MYCT1: variants seen among roughly 807,000 people sequenced by gnomAD.
MYCT1 encodes the protein MYC target 1.
Under a neutral mutation model 15.0 loss-of-function variants are expected in MYCT1, and 12 were observed. That is an observed-to-expected ratio of 0.80 (90% CI 0.51 to 1.29). The LOEUF (loss-of-function observed/expected upper bound fraction) is 1.29, where lower values mean the gene tolerates loss of function less well. Ranked by LOEUF, MYCT1 falls within the 50% of genes most tolerant of loss-of-function variation. The pLI is 0.00. For synonymous variants in MYCT1, 104 were observed against 102.7 expected (o/e 1.01, Z -0.07); for missense variants, 287 against 279.1 (o/e 1.03, Z -0.20).
the MYCT1 span, among the ~76,000 whole-genome samples, chr6:152,744,760 C>T: frequency 0.15 from 22,110 of 152,038 alleles, 3,277 homozygotes; most frequent in African/African-American, 0.38. Flanking sequence ...AGGGTGTGGA[C>T]GATGTAGTCC....
intron 1 of MYCT1, among the ~76,000 whole-genome samples, chr6:152,700,309 A>G (rs887648594): frequency 3.9e-5 from 6 of 152,102 alleles, no homozygotes; most frequent in African/African-American, 1.4e-4. Context: ...TCTGCTTGGC[A>G]CATTGAATTT....
At chr6:152,747,114 A>G in the MYCT1 span, among the ~76,000 whole-genome samples, 1 of 151,996 alleles carries the variant, frequency 6.6e-6, no homozygotes, top group East Asian at 1.9e-4. Flanking sequence ...AAAGAATTGA[A>G]AGTGTTTATA....
the MYCT1 span, among the ~76,000 whole-genome samples, chr6:152,742,971 A>G: frequency 2.0e-5 from 3 of 152,190 alleles, no homozygotes; most frequent in Admixed American, 2.0e-4. Flanking sequence ...TGCCTTCTCT[A>G]TCTAATACTT....
intron 1 of MYCT1, among the ~76,000 whole-genome samples, chr6:152,704,097 A>G (rs1455286260): frequency 6.6e-6 from 1 of 152,052 alleles, no homozygotes; most frequent in South Asian, 2.1e-4. Context: ...CCTGGGCTCA[A>G]GTGATCATCC....
At chr6:152,708,694 T>G (rs1195501175) in intron 1 of MYCT1, among the ~76,000 whole-genome samples, 1 of 151,826 alleles carries the variant, frequency 6.6e-6, no homozygotes, top group Non-Finnish European at 1.5e-5. Context: ...TGGAAAAGAG[T>G]CTTCTATATT....
chr6:152,723,231 C>T lies in MYCT1; in HGVS notation c.*978C>T, dbSNP rs2099725039. The stretch of plus-strand genomic sequence containing the variant: ...TTTCCCAAGAATAGTTATCTACTTC[C>T]TGGAGGCAAAATCCTTGGATTTACT... On this transcript the variant is annotated 3_prime_UTR_variant, in exon 2 of 2. Coordinates refer to ENST00000367245, the MANE Select transcript of MYCT1 (RefSeq NM_025107.3). 6.6e-6 allele frequency: 1 copy of T among 152,140 alleles called. No homozygotes were observed. The highest frequency in any genetic ancestry group is 6.5e-5 in the Admixed American group (1 of 15,278). The allele number at this position is 152,140 out of a possible 1,614,324, so 9.4% of individuals were successfully genotyped here.
At chr6:152,727,210 C>CAA (rs1187850671), downstream of MYCT1, among the ~76,000 whole-genome samples, 4,675 of 78,158 alleles carry the variant, frequency 0.06, 232 homozygotes, top group African/African-American at 0.14. Flanking sequence ...GACTCAGTCT[C>CAA]AAAAAAAAAA....
chr6:152,717,590 C>T (rs555211334), intron 1 of MYCT1, among the ~76,000 whole-genome samples: 26 of 152,150 alleles, frequency 1.7e-4, no homozygotes, highest in African/African-American at 6.0e-4. Flanking sequence ...AAGCTCTCTT[C>T]GTCTGCTGCC....
intron 1 of MYCT1, among the ~76,000 whole-genome samples, chr6:152,717,860 A>T (rs2099723954): frequency 6.6e-6 from 1 of 152,028 alleles, no homozygotes; most frequent in Non-Finnish European, 1.5e-5. Context: ...ATCAAAAGCA[A>T]TTTTTTTGTA....
At chr6:152,725,262 C>T (rs2099725450), downstream of MYCT1, among the ~76,000 whole-genome samples, 1 of 152,060 alleles carries the variant, frequency 6.6e-6, no homozygotes, top group Admixed American at 6.6e-5. Flanking sequence ...GATTAGCACA[C>T]ATAAATACAT....
In MYCT1 at chr6:152,722,250, C is replaced by T; in HGVS notation, c.705C>T (p.Ser235=). Residue 235 remains serine (S), a synonymous_variant, in exon 2 of 2, where the codon TCC becomes TCT. Coordinates refer to ENST00000367245, the MANE Select transcript of MYCT1 (RefSeq NM_025107.3). ...CCATCATCAAGGCATTCCCAGATTC[C>T]TGAGTAGGGTGGCTTTTGGTTTTTG... ...YESIIKAFPD[S] 1 of 1,600,958 alleles carries T rather than the reference C, an allele frequency of 6.2e-7. No homozygotes were observed. The highest frequency in any genetic ancestry group is 1.1e-5 in the South Asian group (1 of 88,568).
intron 1 of MYCT1, among the ~76,000 whole-genome samples, chr6:152,712,903 T>A (rs2099722998): frequency 6.6e-6 from 1 of 151,736 alleles, no homozygotes; most frequent in Admixed American, 6.6e-5. Context: ...TTATATATAT[T>A]CTGCTTGATG....
chr6:152,742,820 C>T, the MYCT1 span, among the ~76,000 whole-genome samples: 1 of 151,992 alleles, frequency 6.6e-6, no homozygotes, highest in African/African-American at 2.4e-5. Context: ...TGTTTATACA[C>T]ATAAGTATGA....
chr6:152,737,703 C>A, the MYCT1 span, among the ~76,000 whole-genome samples: 3 of 152,050 alleles, frequency 2.0e-5, no homozygotes, highest in South Asian at 2.1e-4. Context: ...AAAGAATAAA[C>A]CCTCTTATTT....
downstream of MYCT1, among the ~76,000 whole-genome samples, chr6:152,728,568 A>T (rs140987301): frequency 1.1e-3 from 172 of 152,220 alleles, 1 homozygote; most frequent in African/African-American, 3.9e-3. Flanking sequence ...CTTTAACAAC[A>T]CTGAAAGTGG....
intron 1 of MYCT1, among the ~76,000 whole-genome samples, chr6:152,701,632 G>C (rs550754926): frequency 1.3e-5 from 2 of 152,256 alleles, no homozygotes; most frequent in East Asian, 3.9e-4. Context: ...GGACCTTTGT[G>C]CTTGATCAAG....
intron 1 of MYCT1, among the ~76,000 whole-genome samples, chr6:152,699,759 C>T (rs2099721010): frequency 6.6e-6 from 1 of 151,836 alleles, no homozygotes; most frequent in Non-Finnish European, 1.5e-5. Context: ...AAAAACAAAT[C>T]ATTATTCACT....
downstream of MYCT1, among the ~76,000 whole-genome samples, chr6:152,725,812 G>A (rs2099725553): frequency 1.3e-5 from 2 of 152,134 alleles, no homozygotes; most frequent in South Asian, 2.1e-4. Flanking sequence ...GAACTTGTAT[G>A]GAGACCAAGC....
intron 1 of MYCT1, among the ~76,000 whole-genome samples, chr6:152,714,857 T>C (rs1583972208): frequency 1.3e-5 from 2 of 152,034 alleles, no homozygotes; most frequent in Non-Finnish European, 2.9e-5. Context: ...CTATTTCATA[T>C]ATATGTATAA....
Sources: allele counts gnomAD v4.1 joint callset (sites outside exome capture counted in the v4.1 genomes callset), GRCh38; gene constraint gnomAD v4.1.1; transcripts MANE v1.5; gene names NCBI Gene and HGNC (gene_info 2026-07-23, HGNC 2026-07-21).